The following PEF1 variants were observed in gnomAD, a reference collection of about 807,000 sequenced individuals.
PEF1 encodes the protein penta-EF-hand domain containing 1, also known as peflin.
In PEF1, 17 loss-of-function variants were observed where a neutral mutation model predicts 32.0. The ratio of observed to expected loss-of-function variants is 0.53; its 90% CI spans 0.36 to 0.80. The LOEUF is 0.80. Ranked by LOEUF, PEF1 falls within the 30% of genes least tolerant of loss-of-function variation. PEF1 has a pLI of 0.00. For synonymous variants in PEF1, 130 were observed against 139.8 expected (o/e 0.93, Z 0.50); for missense variants, 362 against 369.1 (o/e 0.98, Z 0.16).
chr1:31,634,837 A>C (rs1405025727), intron 2 of PEF1: 1 of 463,568 alleles, frequency 2.2e-6, no homozygotes, highest in East Asian at 6.8e-5. Flanking sequence ...ACAGTACTTC[A>C]GAGAAGCTTT....
At chr1:31,639,101 G>T (rs1469396767) in intron 1 of PEF1, among the ~76,000 whole-genome samples, 2 of 152,212 alleles carry the variant, frequency 1.3e-5, no homozygotes, top group African/African-American at 4.8e-5. Flanking sequence ...TATTGGAAAT[G>T]GTCCTTGAAG....
At chr1:31,632,441 AAAGAG>A in intron 4 of PEF1, 49 bp downstream of exon 4, 1 of 1,613,476 alleles carries the variant, frequency 6.2e-7, no homozygotes, top group South Asian at 1.1e-5. Flanking sequence ...CTTAGGGTGT[AAAGAG>A]AAGAGTCTAG....
At chr1:31,634,777 G>A (rs1204577690) in intron 2 of PEF1, 1 of 447,984 alleles carries the variant, frequency 2.2e-6, no homozygotes, top group Non-Finnish European at 4.5e-6. Context: ...ACTGATGTCA[G>A]TCTTGATCAG....
chr1:31,640,273 T>G (rs1640361449), intron 1 of PEF1, among the ~76,000 whole-genome samples: 1 of 152,186 alleles, frequency 6.6e-6, no homozygotes, highest in African/African-American at 2.4e-5. Flanking sequence ...GTCATCTCCA[T>G]TTTGCAGATG....
intron 1 of PEF1, among the ~76,000 whole-genome samples, chr1:31,636,468 T>G (rs1311255547): frequency 3.3e-5 from 5 of 151,990 alleles, no homozygotes; most frequent in African/African-American, 1.2e-4. Context: ...CAGAGTAAGA[T>G]CCGATCTCAA....
intron 2 of PEF1, among the ~76,000 whole-genome samples, chr1:31,634,212 C>T (rs916858824): frequency 2.0e-5 from 3 of 152,130 alleles, no homozygotes; most frequent in Non-Finnish European, 2.9e-5. Flanking sequence ...CCTAAAACAT[C>T]GGTGTCATAG....
chr1:31,634,883 C>T (rs1355188482), intron 2 of PEF1: 2 of 495,388 alleles, frequency 4.0e-6, no homozygotes, highest in Non-Finnish European at 7.9e-6. Flanking sequence ...CTCTCCTGCT[C>T]CTTCTCTCTG....
chr1:31,639,395 A>G (rs1301845183), intron 1 of PEF1, among the ~76,000 whole-genome samples: 1 of 152,242 alleles, frequency 6.6e-6, no homozygotes, highest in African/African-American at 2.4e-5. Context: ...AGGGGCAGAC[A>G]CTGCGCCTCA....
chr1:31,639,046 G>A (rs918659069), intron 1 of PEF1, among the ~76,000 whole-genome samples: 2 of 152,224 alleles, frequency 1.3e-5, no homozygotes, highest in African/African-American at 2.4e-5. Flanking sequence ...AATGAACAAT[G>A]TATGAAGTGG....
Position 31,630,595 on chromosome 1 carries a change from TC to T in PEF1, c.*17del. On this transcript the variant is annotated 3_prime_UTR_variant, in exon 5 of 5. Transcript: ENST00000373703. ...AGGAAAGGTCCCTGGTGCACTCCAC[TC>T]TCCACAGATGGTTGGGTCATAGCAT... 1 of 1,610,018 alleles carries T rather than the reference TC, an allele frequency of 6.2e-7. No homozygotes were observed. The highest frequency in any genetic ancestry group is 1.1e-5 in the South Asian group (1 of 90,836).
intron 4 of PEF1, among the ~76,000 whole-genome samples, chr1:31,631,926 T>TC (rs35573576): frequency 0.54 from 82,301 of 151,834 alleles, 23,421 homozygotes; most frequent in Non-Finnish European, 0.63. Context: ...TCTTGGGTCC[T>TC]CCCCCAACCT....
Position 31,633,242 on chromosome 1 carries a change from T to G in PEF1, c.398A>C (p.Tyr133Ser). The stretch of plus-strand genomic sequence containing the variant: ...CTGCTTTAGCTCCTTCATGGAGATA[T>G]AGCCACTGTGATCTGAGTCCACCGA... Reference protein sequence around the residue: ...FQSVDSDHSGYISMKELKQAL... With the variant: ...FQSVDSDHSGSISMKELKQAL... Residue 133 changes from tyrosine (Y) to serine (S), a missense_variant, in exon 3 of 5, where the codon TAT becomes TCT. Coordinates refer to ENST00000373703, the MANE Select transcript of PEF1 (RefSeq NM_012392.4). 1 of 1,614,018 alleles carries G rather than the reference T, an allele frequency of 6.2e-7. No individual in the cohort carries two copies. Among genetic ancestry groups the G allele is most frequent in the Non-Finnish European group, 8.5e-7 (1 of 1,179,954 alleles).
intron 1 of PEF1, 137 bp from the exon 2 acceptor site, chr1:31,635,659 T>C: frequency 1.1e-6 from 1 of 931,642 alleles, no homozygotes; most frequent in Non-Finnish European, 1.5e-6. Flanking sequence ...ATGATCTCAC[T>C]GCTCAGATGG....
chr1:31,632,450 A>C, intron 4 of PEF1, 45 bp downstream of exon 4: 1 of 1,614,022 alleles, frequency 6.2e-7, no homozygotes, highest in Non-Finnish European at 8.5e-7. Flanking sequence ...TAAAGAGAAG[A>C]GTCTAGCTCT....
rs76643714 is a variant in PEF1 at position 31,641,032 on chromosome 1, G to A, written c.24+3809C>T. On this transcript the variant is annotated intron_variant, in intron 1 of 4. Coordinates refer to ENST00000373703, the MANE Select transcript of PEF1 (RefSeq NM_012392.4). ...GCCACTTGAAATAGGAGAGAAGCAC[G>A]CAACCAATAAACAATGAGCCAAGAA... is the stretch of plus-strand genomic sequence containing the variant. 2.0e-4 allele frequency among the ~76,000 whole-genome samples: 31 copies of A among 152,254 alleles called. No individual in the cohort carries two copies. In the East Asian group the frequency reaches 5.8e-3, roughly 28 times the overall value.
At chr1:31,638,175 T>C (rs142733562) in intron 1 of PEF1, among the ~76,000 whole-genome samples, 1 of 152,222 alleles carries the variant, frequency 6.6e-6, no homozygotes, top group Non-Finnish European at 1.5e-5. Flanking sequence ...GAGCTAGGAC[T>C]TAGAGAACGA....
intron 4 of PEF1, chr1:31,632,228 A>C: frequency 1.6e-6 from 1 of 637,586 alleles, no homozygotes; most frequent in Non-Finnish European, 2.8e-6. Flanking sequence ...TTCCATCCTT[A>C]AGGCTCCCTG....
rs547649027 is a variant in PEF1, at chr1:31,630,573, A to G, written c.*40T>C. ...ACTTCTCTCACTCTAAGAAGCCAGG[A>G]AAGGTCCCTGGTGCACTCCACTCTC... On this transcript the variant is annotated 3_prime_UTR_variant, in exon 5 of 5. Transcript: ENST00000373703. The G allele has an allele frequency of 1.0e-5, 16 of 1,571,112 alleles. No individual in the cohort carries two copies. In the Admixed American group the frequency reaches 2.2e-4, roughly 21 times the overall value.
chr1:31,630,585 T>G lies in PEF1; in HGVS notation c.*28A>C. On this transcript the variant is annotated 3_prime_UTR_variant, in exon 5 of 5. Coordinates refer to ENST00000373703, the MANE Select transcript of PEF1 (RefSeq NM_012392.4). ...CTAAGAAGCCAGGAAAGGTCCCTGGTGCACTCCACTCTCCACAGATGGTTG... is the reference window on the plus strand; with the variant it reads ...CTAAGAAGCCAGGAAAGGTCCCTGGGGCACTCCACTCTCCACAGATGGTTG... The G allele has an allele frequency of 6.2e-7, 1 of 1,601,676 alleles. No homozygotes were observed. Among genetic ancestry groups the G allele is most frequent in the Non-Finnish European group, 8.5e-7 (1 of 1,170,940 alleles).
Sources: gnomAD v4.1 joint callset for allele counts (sites outside exome capture counted in the v4.1 genomes callset) on GRCh38, gnomAD v4.1.1 for gene constraint, MANE v1.5 for transcripts, NCBI Gene and HGNC (gene_info 2026-07-23, HGNC 2026-07-21) for gene names.